Variants in WDR64 observed in about 807,000 individuals in gnomAD.
WDR64 encodes the protein WD repeat-containing protein 64.
A neutral mutation model predicts 139.3 loss-of-function variants in WDR64; 112 were observed. The ratio of observed to expected loss-of-function variants is 0.80; its 90% CI spans 0.69 to 0.94. The LOEUF (loss-of-function observed/expected upper bound fraction) is 0.94, where lower values mean the gene tolerates loss of function less well. WDR64 is among the 40% of genes least tolerant of loss of function. WDR64 has a pLI of 0.00. For missense variants in WDR64, 1,206 were observed against 1,293.1 expected, an observed-to-expected ratio of 0.93 and a Z score of 1.03; for synonymous variants, 444 against 437.7, an observed-to-expected ratio of 1.01 and a Z score of -0.18.
At position 241,783,440 on chromosome 1, in the gene WDR64, T is replaced by C. The variant is rs914579937; in HGVS notation, c.2705+59T>C. On this transcript the variant is annotated intron_variant, in intron 23 of 27. Transcript: ENST00000437684. The stretch of plus-strand genomic sequence containing the variant: ...TACTGTGAGCATGAGAGGTAAAGGA[T>C]TTTAAGCTAAAGTTGAAGTATATAG... The C allele has an allele frequency of 3.0e-6, 4 of 1,320,044 alleles. No individual in the cohort carries two copies. The African/African-American group carries it at 4.5e-5, about 15-fold the overall frequency. 81.8% of individuals were successfully genotyped at this position (1,320,044 alleles called of 1,614,324 possible). A position where few individuals can be genotyped will look rare whatever the true frequency, so the allele number is the denominator to read the frequency against.
chr1:241,679,320 A>T (rs1666680752), intron 5 of WDR64, among the ~76,000 whole-genome samples, 165 bp from the exon 6 acceptor site: 1 of 152,178 alleles, frequency 6.6e-6, no homozygotes, highest in Non-Finnish European at 1.5e-5. Context: ...AGGGGAAAAG[A>T]TGGGAGCCTG....
intron 3 of WDR64, among the ~76,000 whole-genome samples, chr1:241,673,724 A>C (rs1666336219): frequency 6.6e-6 from 1 of 152,192 alleles, no homozygotes; most frequent in African/African-American, 2.4e-5. Context: ...CTTTCCTAAG[A>C]GTTTGCAATT....
chr1:241,772,103 A>G (rs1161673111), intron 19 of WDR64, among the ~76,000 whole-genome samples: 1 of 149,082 alleles, frequency 6.7e-6, no homozygotes, highest in Non-Finnish European at 1.5e-5. Flanking sequence ...AATCCAGAAT[A>G]TTACTGAACT....
chr1:241,681,848 T>C (rs547643911), intron 6 of WDR64, among the ~76,000 whole-genome samples: 1 of 152,338 alleles, frequency 6.6e-6, no homozygotes, highest in African/African-American at 2.4e-5. Flanking sequence ...ATATTGTGGT[T>C]TTGATTTGCA....
chr1:241,771,901 C>A (rs537304727), intron 19 of WDR64, among the ~76,000 whole-genome samples: 1 of 141,084 alleles, frequency 7.1e-6, no homozygotes, highest in Admixed American at 7.4e-5. Flanking sequence ...TATATACATA[C>A]ATACACACAT....
At chr1:241,749,424 G>C in intron 13 of WDR64, 123 bp from the exon 14 acceptor site, 1 of 1,136,842 alleles carries the variant, frequency 8.8e-7, no homozygotes, top group Admixed American at 2.3e-5. Flanking sequence ...CATCTGAGTA[G>C]GGAATAAATA....
intron 15 of WDR64, among the ~76,000 whole-genome samples, chr1:241,759,849 ATCTC>A (rs775865610): frequency 1.6e-4 from 25 of 152,116 alleles, no homozygotes; most frequent in Non-Finnish European, 3.7e-4. Flanking sequence ...GCAAAACTGA[ATCTC>A]TATTTATTAA....
intron 3 of WDR64, among the ~76,000 whole-genome samples, chr1:241,673,118 A>G (rs1666299288): frequency 6.6e-6 from 1 of 150,400 alleles, no homozygotes; most frequent in Non-Finnish European, 1.5e-5. Context: ...GTTCTCACTC[A>G]TAGGTGGGAA....
intron 8 of WDR64, among the ~76,000 whole-genome samples, chr1:241,701,076 TA>T (rs775954665): frequency 1.1e-4 from 16 of 152,240 alleles, no homozygotes; most frequent in South Asian, 4.1e-4. Context: ...GAGATAGTAA[TA>T]TTTTTTTATA....
chr1:241,748,923 G>C (rs1669871147), intron 13 of WDR64, among the ~76,000 whole-genome samples: 1 of 148,852 alleles, frequency 6.7e-6, no homozygotes, highest in Admixed American at 6.8e-5. Flanking sequence ...GGGTGACAGA[G>C]TGAGACTCTT....
At chr1:241,687,434 T>C (rs1667049825) in intron 7 of WDR64, 27 bp from the exon 8 acceptor site, 4 of 1,611,310 alleles carry the variant, frequency 2.5e-6, no homozygotes, top group Non-Finnish European at 3.4e-6. Context: ...CTAACATAAA[T>C]CTCCCCTGCC....
chr1:241,783,111 G>A (rs1184353309), intron 22 of WDR64, among the ~76,000 whole-genome samples, 161 bp from the exon 23 acceptor site: 1 of 152,246 alleles, frequency 6.6e-6, no homozygotes, highest in African/African-American at 2.4e-5. Flanking sequence ...ACCCCAACAA[G>A]CAAGAGAAGA....
intron 10 of WDR64, among the ~76,000 whole-genome samples, chr1:241,735,823 A>ATCTC (rs762750963): frequency 0.014 from 1,131 of 82,662 alleles, 15 homozygotes; most frequent in African/African-American, 0.036. Context: ...TTCTCTTTCT[A>ATCTC]TCTCTCTCTC....
In WDR64 at chr1:241,707,067, C is replaced by A. The variant is rs138280098; in HGVS notation, c.975-4735C>A. Reference sequence around the variant, plus strand: ...TGCACTCTCAGTTCACCACAGCCCCCCTTCTCCCTGTGGTGTCATACCCAA... The same window carrying A: ...TGCACTCTCAGTTCACCACAGCCCCACTTCTCCCTGTGGTGTCATACCCAA... On this transcript the variant is annotated intron_variant, in intron 8 of 27. Transcript: ENST00000437684. Among the ~76,000 whole-genome samples, 3 of 152,270 alleles carry A rather than the reference C, an allele frequency of 2.0e-5. 1 individual carries two copies. The East Asian group carries it at 5.8e-4, about 29-fold the overall frequency.
chr1:241,719,181 G>A (rs1484127959), intron 9 of WDR64, among the ~76,000 whole-genome samples: 1 of 151,790 alleles, frequency 6.6e-6, no homozygotes, highest in Non-Finnish European at 1.5e-5. Flanking sequence ...CCATTTTTTT[G>A]TTTGAATACA....
In WDR64 at chr1:241,709,788, A is replaced by G. The variant is rs6702492; in HGVS notation, c.975-2014A>G. 9.6e-3 allele frequency among the ~76,000 whole-genome samples: 1,457 copies of G among 152,320 alleles called. 13 individuals carry two copies. Among genetic ancestry groups the G allele is most frequent in the African/African-American group, 0.033 (1,384 of 41,576 alleles). On this transcript the variant is annotated intron_variant, in intron 8 of 27. Transcript: ENST00000437684. ...ATACTATTTCTAGAAATTCATATAT[A>G]TACTAAAATGGAAATACTTATATAT...
chr1:241,739,754 C>A lies in WDR64; in HGVS notation c.1321+1265C>A, dbSNP rs138431957. Among the ~76,000 whole-genome samples, 680 of 152,302 alleles carry A rather than the reference C, an allele frequency of 4.5e-3. 4 individuals carry two copies. The highest frequency in any genetic ancestry group is 0.016 in the African/African-American group (654 of 41,564). ...CCAATTTTGTATCATTCTGATAGCA[C>A]CTCTGTTTGCAAAAATATAAAGCTC... is the stretch of plus-strand genomic sequence containing the variant. On this transcript the variant is annotated intron_variant, in intron 11 of 27. Coordinates refer to ENST00000437684, the MANE Select transcript of WDR64 (RefSeq NM_001367482.1).
chr1:241,658,638 C>CAAA (rs56278786), intron 1 of WDR64, among the ~76,000 whole-genome samples: 5 of 83,752 alleles, frequency 6.0e-5, no homozygotes, highest in Non-Finnish European at 7.4e-5. Flanking sequence ...GATCCTGTCT[C>CAAA]AAAAAAAAAA....
intron 4 of WDR64, among the ~76,000 whole-genome samples, chr1:241,675,085 T>TTCCTGCCTCCCTCCCTC (rs1666459932): frequency 1.1e-4 from 2 of 17,692 alleles, no homozygotes; most frequent in African/African-American, 3.7e-4. Context: ...CTCCCTCCCT[T>TTCCTGCCTCCCTCCCTC]CATCCTTCCT....
Sources: gnomAD v4.1 joint callset for allele counts (sites outside exome capture counted in the v4.1 genomes callset) on GRCh38, gnomAD v4.1.1 for gene constraint, MANE v1.5 for transcripts, NCBI Gene and HGNC (gene_info 2026-07-23, HGNC 2026-07-21) for gene names.